MYOM2: variants seen among roughly 807,000 people sequenced by gnomAD.
The protein encoded by MYOM2 is myomesin 2.
A neutral mutation model predicts 187.6 loss-of-function variants in MYOM2; 254 were observed. That is an observed-to-expected ratio of 1.35 (90% CI 1.22 to 1.50). The LOEUF is 1.50. Ranked by LOEUF, MYOM2 falls within the 40% of genes most tolerant of loss-of-function variation. The probability of loss-of-function intolerance (pLI) is 0.00; values close to 1 mark genes in which losing one functional copy is unlikely to be tolerated. For missense variants in MYOM2, 2,796 were observed against 1,924.0 expected, an observed-to-expected ratio of 1.45 and a Z score of -8.48; for synonymous variants, 981 against 753.8, an observed-to-expected ratio of 1.30 and a Z score of -4.94.
Position 2,102,719 on chromosome 8 carries a change from A to G in MYOM2, c.2672A>G (p.Asn891Ser), listed in dbSNP as rs759616539. ...TATGTCTTCAGGGTCCGGGCAGTCAATGCAAATGGCGTGGGGAAGCCCTCA... is the reference window on the plus strand; with the variant it reads ...TATGTCTTCAGGGTCCGGGCAGTCAGTGCAAATGGCGTGGGGAAGCCCTCA... ...KTYVFRVRAV[N>S]ANGVGKPSDT... Residue 891 changes from asparagine (N) to serine (S), a missense_variant, in exon 21 of 37, where the codon AAT (asparagine) becomes AGT (serine). Physicochemically the swap from Asn to Ser is conservative, Grantham distance 46. Coordinates refer to ENST00000262113, the MANE Select transcript of MYOM2 (RefSeq NM_003970.4). 8 of 1,614,010 alleles carry G rather than the reference A, an allele frequency of 5.0e-6. No homozygotes were observed. The East Asian group carries it at 1.6e-4, about 31-fold the overall frequency.
chr8:2,144,846 G>T lies in MYOM2; in HGVS notation c.4263G>T (p.Lys1421Asn). Residue 1421 changes from lysine to asparagine, a missense_variant, in exon 37 of 37, where the codon AAG (lysine) becomes AAT (asparagine). Physicochemically the swap from Lys to Asn is moderately conservative, Grantham distance 94. Coordinates refer to ENST00000262113, the MANE Select transcript of MYOM2 (RefSeq NM_003970.4). ...EDSGKYSINI[K>N]NKYGGEKIDV... ...CGGGCAAGTACAGCATCAACATCAA[G>T]AATAAGTATGGCGGGGAGAAGATCG... The T allele has an allele frequency of 6.2e-7, 1 of 1,614,170 alleles. No individual in the cohort carries two copies.
intron 6 of MYOM2, among the ~76,000 whole-genome samples, chr8:2,062,271 GA>G (rs1818876753): frequency 6.6e-6 from 1 of 152,230 alleles, no homozygotes; most frequent in Admixed American, 6.5e-5. Context: ...GGGCTGAGGG[GA>G]GAAGGAAGGA....
At chr8:2,138,249 CG>C (rs770753633) in intron 32 of MYOM2, among the ~76,000 whole-genome samples, 67 of 152,300 alleles carry the variant, frequency 4.4e-4, no homozygotes, top group Middle Eastern at 3.4e-3. Flanking sequence ...ATGGCACTCT[CG>C]GCCCGGCCGG....
chr8:2,144,696 C>A lies in MYOM2; in HGVS notation c.4113C>A (p.Asn1371Lys). The part of the protein sequence containing the change: ...TLNLTCTVFG[N>K]PDPEVIWFKN... ...ATCTGACCTGCACGGTGTTTGGAAA[C>A]CCTGACCCCGAAGTGATTTGGTTCA... Residue 1371 changes from asparagine (N) to lysine (K), a missense_variant, in exon 37 of 37, where the codon AAC becomes AAA. Coordinates refer to ENST00000262113, the MANE Select transcript of MYOM2 (RefSeq NM_003970.4). 3 of 1,614,102 alleles carry A rather than the reference C, an allele frequency of 1.9e-6. 1 individual carries two copies. The South Asian group carries it at 3.3e-5, about 18-fold the overall frequency.
intron 28 of MYOM2, among the ~76,000 whole-genome samples, chr8:2,120,675 T>TATATATATATATATATATATATA (rs1220891042): frequency 1.7e-4 from 7 of 41,420 alleles, no homozygotes; most frequent in Non-Finnish European, 2.6e-4. Context: ...TATATATATA[T>TATATATATATATATATATATATA]TATATTATAT....
intron 1 of MYOM2, among the ~76,000 whole-genome samples, chr8:2,045,663 C>G (rs1585805021): frequency 1.3e-5 from 2 of 152,222 alleles, no homozygotes; most frequent in South Asian, 4.1e-4. Context: ...GGAAAGAGAA[C>G]AATCCTTGTC....
intron 1 of MYOM2, among the ~76,000 whole-genome samples, chr8:2,047,327 C>T (rs1042688631): frequency 3.3e-5 from 5 of 152,134 alleles, no homozygotes; most frequent in Admixed American, 3.3e-4. Flanking sequence ...GAAGTTCTAA[C>T]ATAGGAAGTC....
Position 2,076,232 on chromosome 8 carries a change from G to A in MYOM2, c.1212G>A (p.Lys404=). 6.2e-7 allele frequency: 1 copy of A among 1,613,734 alleles called. No homozygotes were observed. The highest frequency in any genetic ancestry group is 8.5e-7 in the Non-Finnish European group (1 of 1,179,928). ...GGGACTACGTCATCGTGACCTGGAA[G>A]CCGCCCAACACCACCACTGAGAGCC... ...ANRDYVIVTW[K]PPNTTTESPV... The change falls in exon 11 of 37, where the codon AAG becomes AAA. Residue 404 remains lysine, a synonymous_variant. Transcript: ENST00000262113.
intron 28 of MYOM2, 100 bp from the exon 29 acceptor site, chr8:2,123,152 T>G: frequency 1.3e-6 from 1 of 764,380 alleles, no homozygotes; most frequent in South Asian, 2.1e-5. Context: ...AACTAAGGTT[T>G]TTTGAGGGGG....
At position 2,076,220 on chromosome 8, in the gene MYOM2, C is replaced by A. The variant is rs777575299; in HGVS notation, c.1200C>A (p.Ile400=). 1.1e-5 allele frequency: 18 copies of A among 1,613,542 alleles called. 1 individual carries two copies. In the Admixed American group the frequency reaches 2.8e-4, roughly 25 times the overall value. ...QCHDANRDYV[I]VTWKPPNTTT... ...ACGACGCCAACCGGGACTACGTCATCGTGACCTGGAAGCCGCCCAACACCA... is the reference window on the plus strand; with the variant it reads ...ACGACGCCAACCGGGACTACGTCATAGTGACCTGGAAGCCGCCCAACACCA... Residue 400 remains isoleucine (I), a synonymous_variant, in exon 11 of 37, where the codon ATC becomes ATA. Coordinates refer to ENST00000262113, the MANE Select transcript of MYOM2 (RefSeq NM_003970.4).
intron 12 of MYOM2, 47 bp from the exon 13 acceptor site, chr8:2,079,513 G>T: frequency 6.2e-7 from 1 of 1,601,260 alleles, no homozygotes; most frequent in South Asian, 1.1e-5. Context: ...CGGGCTTTTG[G>T]GGAAAACTTC....
chr8:2,109,149 A>T (rs993864322), intron 24 of MYOM2: 3 of 533,912 alleles, frequency 5.6e-6, no homozygotes, highest in African/African-American at 2.0e-5. Flanking sequence ...GAAAGAATCC[A>T]GGCATCTTTA....
intron 15 of MYOM2, among the ~76,000 whole-genome samples, chr8:2,091,806 G>A (rs1219595847): frequency 6.6e-6 from 1 of 152,184 alleles, no homozygotes; most frequent in African/African-American, 2.4e-5. Flanking sequence ...ACTGTGGGGT[G>A]TGTGGCCCAG....
In MYOM2 at chr8:2,144,703, C is replaced by A; in HGVS notation, c.4120C>A (p.Pro1374Thr). Residue 1374 changes from proline to threonine, a missense_variant, in exon 37 of 37, where the codon CCC becomes ACC. Transcript: ENST00000262113. ...CTGCACGGTGTTTGGAAACCCTGAC[C>A]CCGAAGTGATTTGGTTCAAGAACGA... is the stretch of plus-strand genomic sequence containing the variant. Reference protein sequence around the residue: ...LTCTVFGNPDPEVIWFKNDQD... With the variant: ...LTCTVFGNPDTEVIWFKNDQD... The A allele has an allele frequency of 1.9e-6, 3 of 1,614,046 alleles. No homozygotes were observed. Among genetic ancestry groups the A allele is most frequent in the Non-Finnish European group, 2.5e-6 (3 of 1,180,026 alleles).
chr8:2,092,532 C>G lies in MYOM2; in HGVS notation c.2003+12C>G, dbSNP rs1336467847. The G allele has an allele frequency of 6.8e-6, 11 of 1,612,804 alleles. No homozygotes were observed. The highest frequency in any genetic ancestry group is 3.3e-5 in the South Asian group (3 of 90,952). ...ATCGGATACAACAGGTGCGGCCTCC[C>G]TCCCCAGCCCTGGAGTCAGCCTTGC... is the stretch of plus-strand genomic sequence containing the variant. On this transcript the variant is annotated intron_variant, in intron 16 of 36. Coordinates refer to ENST00000262113, the MANE Select transcript of MYOM2 (RefSeq NM_003970.4).
At chr8:2,072,156 G>T (rs1006552550) in intron 8 of MYOM2, among the ~76,000 whole-genome samples, 189 bp from the exon 9 acceptor site, 1 of 152,086 alleles carries the variant, frequency 6.6e-6, no homozygotes, top group Non-Finnish European at 1.5e-5. Flanking sequence ...GCGTGAACCC[G>T]GGAGGCGAAG....
At chr8:2,045,413 C>G (rs778405038) in intron 1 of MYOM2, among the ~76,000 whole-genome samples, 2 of 152,288 alleles carry the variant, frequency 1.3e-5, no homozygotes, top group South Asian at 4.1e-4. Flanking sequence ...TGCTAAGTGC[C>G]GTTTAGCACC....
intron 11 of MYOM2, among the ~76,000 whole-genome samples, chr8:2,078,041 C>G (rs1819494342): frequency 6.6e-6 from 1 of 152,174 alleles, no homozygotes; most frequent in African/African-American, 2.4e-5. Context: ...CCTCCCAACA[C>G]TGATTTTCTG....
At chr8:2,059,970 G>T (rs974438837) in intron 6 of MYOM2, among the ~76,000 whole-genome samples, 2 of 152,042 alleles carry the variant, frequency 1.3e-5, no homozygotes, top group African/African-American at 2.4e-5. Context: ...TCGAACTCCC[G>T]ACCTCATGTG....
Sources: gnomAD v4.1 joint callset for allele counts (sites outside exome capture counted in the v4.1 genomes callset) on GRCh38, gnomAD v4.1.1 for gene constraint, MANE v1.5 for transcripts, NCBI Gene and HGNC (gene_info 2026-07-23, HGNC 2026-07-21) for gene names.